The following KMT2C variants were observed in gnomAD, a reference collection of about 807,000 sequenced individuals.
KMT2C encodes histone-lysine N-methyltransferase 2C.
In KMT2C, 88 loss-of-function variants were observed where a neutral mutation model predicts 507.9. The observed-to-expected ratio is 0.17, with a 90% CI of 0.15 to 0.21. KMT2C has a LOEUF of 0.21. Ranked by LOEUF, KMT2C falls within the 10% of genes least tolerant of loss-of-function variation. KMT2C has a pLI of 1.00. For missense variants in KMT2C, 4,954 were observed against 5,957.8 expected, an observed-to-expected ratio of 0.83 and a Z score of 5.55; for synonymous variants, 2,049 against 2,080.8, an observed-to-expected ratio of 0.98 and a Z score of 0.42.
At chr7:152,157,646 TTAA>T in intron 44 of KMT2C, 2 of 607,664 alleles carry the variant, frequency 3.3e-6, no homozygotes, top group South Asian at 6.5e-5. Context: ...AACTTAAGTT[TTAA>T]TAAAACTTGG....
chr7:152,332,851 A>AACACACACACACACACACAC (rs35781658), intron 2 of KMT2C, among the ~76,000 whole-genome samples: 7 of 138,520 alleles, frequency 5.1e-5, no homozygotes, highest in South Asian at 4.8e-4. Context: ...TGCGTCTCAA[A>AACACACACACACACACACAC]ACACACACAC....
chr7:152,206,614 AT>A (rs1435023214), intron 24 of KMT2C, among the ~76,000 whole-genome samples: 2 of 152,188 alleles, frequency 1.3e-5, no homozygotes, highest in African/African-American at 4.8e-5. Flanking sequence ...CAAGATATTA[AT>A]AAACTGCCTA....
chr7:152,164,375 C>T (rs1357155554), intron 42 of KMT2C, among the ~76,000 whole-genome samples: 19 of 151,426 alleles, frequency 1.3e-4, no homozygotes, highest in African/African-American at 1.7e-4. Context: ...CTGCAAGCTC[C>T]GCCTCCCGGG....
At chr7:152,330,169 T>TGGGGGGGGGGGGGGGGGGG (rs376494504) in intron 3 of KMT2C, among the ~76,000 whole-genome samples, 1 of 41,010 alleles carries the variant, frequency 2.4e-5, no homozygotes, top group Non-Finnish European at 4.2e-5. Context: ...GGAGGGGTGG[T>TGGGGGGGGGGGGGGGGGGG]GGGGGGGGGG....
chr7:152,202,860 T>C (rs1255989888), intron 26 of KMT2C, 74 bp downstream of exon 26: 5 of 1,199,280 alleles, frequency 4.2e-6, no homozygotes, highest in African/African-American at 3.1e-5. Context: ...ACAACAAACC[T>C]ATGTTTTAAA....
chr7:152,164,345 A>T (rs1007564480), intron 42 of KMT2C, among the ~76,000 whole-genome samples: 2 of 149,374 alleles, frequency 1.3e-5, no homozygotes, highest in Non-Finnish European at 3.0e-5. Context: ...GCTGGAGTGC[A>T]GTGGCGCGAT....
At chr7:152,307,199 A>AGGG (rs1563802323) in intron 6 of KMT2C, among the ~76,000 whole-genome samples, 46 of 20,706 alleles carry the variant, frequency 2.2e-3, no homozygotes, top group Non-Finnish European at 3.1e-3. Context: ...AAGAGGGAGG[A>AGGG]AGGAAGGAAG....
At chr7:152,311,681 G>T in intron 5 of KMT2C, 117 bp downstream of exon 5, 1 of 737,206 alleles carries the variant, frequency 1.4e-6, no homozygotes, top group Non-Finnish European at 2.0e-6. Context: ...TTTTTTTATA[G>T]TATGATTATA....
intron 23 of KMT2C, among the ~76,000 whole-genome samples, chr7:152,214,798 T>C (rs1334457075): frequency 1.4e-5 from 2 of 143,544 alleles, no homozygotes; most frequent in Non-Finnish European, 3.0e-5. Flanking sequence ...ATCAAGGGTC[T>C]GGAGGTAGGG....
chr7:152,255,138 T>TATATATATATATATAC (rs2095635856), intron 9 of KMT2C, among the ~76,000 whole-genome samples: 3 of 124,802 alleles, frequency 2.4e-5, no homozygotes, highest in Non-Finnish European at 4.9e-5. Context: ...TATATATATA[T>TATATATATATATATAC]ATATATACAT....
chr7:152,320,324 C>T (rs2096761890), intron 3 of KMT2C, among the ~76,000 whole-genome samples: 1 of 152,214 alleles, frequency 6.6e-6, no homozygotes, highest in South Asian at 2.1e-4. Context: ...TCTTGGCTCA[C>T]TGTAACCTCC....
chr7:152,326,939 A>C (rs1161651191), intron 3 of KMT2C, among the ~76,000 whole-genome samples: 2 of 152,256 alleles, frequency 1.3e-5, no homozygotes, highest in Non-Finnish European at 2.9e-5. Flanking sequence ...TATTTTAAGG[A>C]AACTGTGGGA....
chr7:152,142,526 C>G (rs761000434), intron 55 of KMT2C, among the ~76,000 whole-genome samples: 1 of 152,210 alleles, frequency 6.6e-6, no homozygotes, highest in Non-Finnish European at 1.5e-5. Flanking sequence ...TTTTAGAAAA[C>G]TGGCAATATC....
At chr7:152,202,892 C>A in intron 26 of KMT2C, 42 bp downstream of exon 26, 1 of 1,429,536 alleles carries the variant, frequency 7.0e-7, no homozygotes, top group Admixed American at 2.0e-5. Context: ...TTTATTTCCT[C>A]AATTAACAAA....
At chr7:152,194,610 TACTC>T (rs773684898) in intron 28 of KMT2C, 42 bp from the exon 29 acceptor site, 1 of 1,534,422 alleles carries the variant, frequency 6.5e-7, no homozygotes, top group African/African-American at 1.4e-5. Flanking sequence ...ACATTCAGAA[TACTC>T]ACACAAAAAT....
chr7:152,137,599 A>AAAGG (rs1355817808), intron 58 of KMT2C: 1 of 152,244 alleles, frequency 6.6e-6, no homozygotes. Context: ...TTCTACACAG[A>AAAGG]AAGGAAGGAA....
At chr7:152,323,766 G>A (rs1326879208) in intron 3 of KMT2C, among the ~76,000 whole-genome samples, 9 of 140,470 alleles carry the variant, frequency 6.4e-5, no homozygotes, top group African/African-American at 2.3e-4. Context: ...GGGAAGGGGA[G>A]GTAGAAAAAG....
At chr7:152,190,662 T>C (rs923570854) in intron 31 of KMT2C, among the ~76,000 whole-genome samples, 1 of 152,168 alleles carries the variant, frequency 6.6e-6, no homozygotes, top group African/African-American at 2.4e-5. Flanking sequence ...AAAAGTTACT[T>C]CACAACTTTT....
chr7:152,394,662 C>T (rs1317310236), intron 1 of KMT2C, among the ~76,000 whole-genome samples: 1 of 152,090 alleles, frequency 6.6e-6, no homozygotes, highest in Non-Finnish European at 1.5e-5. Flanking sequence ...TAAATTCTAC[C>T]TATTTGTTTG....
Sources: allele counts gnomAD v4.1 joint callset (sites outside exome capture counted in the v4.1 genomes callset), GRCh38; gene constraint gnomAD v4.1.1; transcripts MANE v1.5; gene names NCBI Gene and HGNC (gene_info 2026-07-23, HGNC 2026-07-21).